Variants in B4GALNT2 observed in about 807,000 individuals in gnomAD.
B4GALNT2 encodes the protein N-acetylneuraminylgalactosylglucosyl-glucoside beta-1,4-N- acetylgalactosaminyltransferase 2.
In B4GALNT2, 42 loss-of-function variants were observed where a neutral mutation model predicts 51.1. The ratio of observed to expected loss-of-function variants is 0.82; its 90% CI spans 0.64 to 1.06. B4GALNT2 has a LOEUF of 1.06. Among genes scored for constraint, B4GALNT2 ranks in the 50% least tolerant of loss-of-function variants. The pLI, the probability that B4GALNT2 is intolerant of heterozygous loss-of-function variation, is 0.00. For missense variants in B4GALNT2, 602 were observed against 633.6 expected (o/e 0.95, Z 0.54); for synonymous variants, 253 against 251.7 (o/e 1.01, Z -0.05).
intron 8 of B4GALNT2, 40 bp downstream of exon 8, chr17:49,164,315 A>G: frequency 1.9e-6 from 3 of 1,562,440 alleles, no homozygotes; most frequent in Non-Finnish European, 2.6e-6. Context: ...GCATTCCAGG[A>G]CAAGAGGGCC....
chr17:49,153,963 C>T (rs1181656241), intron 4 of B4GALNT2, among the ~76,000 whole-genome samples: 1 of 152,020 alleles, frequency 6.6e-6, no homozygotes, highest in Admixed American at 6.6e-5. Context: ...TCAATGTCCT[C>T]CATCATCATG....
intron 3 of B4GALNT2, among the ~76,000 whole-genome samples, chr17:49,151,115 C>T (rs1273242723): frequency 1 from 52,700 of 52,776 alleles, 26,313 homozygotes; most frequent in Middle Eastern, 1. Flanking sequence ...TGGCTCACGC[C>T]TGTAATCCCA....
At chr17:49,138,705 C>G (rs1471191144) in intron 1 of B4GALNT2, among the ~76,000 whole-genome samples, 1 of 152,004 alleles carries the variant, frequency 6.6e-6, no homozygotes, top group African/African-American at 2.4e-5. Context: ...GGTGAAACCC[C>G]GTCTCCACTA....
intron 3 of B4GALNT2, 125 bp from the exon 4 acceptor site, chr17:49,152,675 G>A: frequency 1.5e-6 from 1 of 653,970 alleles, no homozygotes; most frequent in Non-Finnish European, 2.5e-6. Context: ...GAGGGAGACA[G>A]GGACAACCCA....
upstream of B4GALNT2, among the ~76,000 whole-genome samples, chr17:49,131,019 A>T (rs1397532231): frequency 6.6e-6 from 1 of 152,172 alleles, no homozygotes; most frequent in East Asian, 1.9e-4. Flanking sequence ...GGCTTTAGAG[A>T]CACAACTCCT....
intron 3 of B4GALNT2, among the ~76,000 whole-genome samples, chr17:49,144,001 A>G (rs1238935439): frequency 6.6e-6 from 1 of 152,148 alleles, no homozygotes; most frequent in East Asian, 1.9e-4. Flanking sequence ...TATAAAAATT[A>G]GCCAGGCTGT....
chr17:49,175,269 G>T lies in B4GALNT2; in HGVS notation c.*5541G>T, dbSNP rs948455366. Reference sequence around the variant, plus strand: ...AGTAATTTGATTCACCCAATAAGCTGCTTTGTCTTGTTTATTTGTGCTTCC... The same window carrying T: ...AGTAATTTGATTCACCCAATAAGCTTCTTTGTCTTGTTTATTTGTGCTTCC... On this transcript the variant is annotated 3_prime_UTR_variant, in exon 11 of 11. Coordinates refer to ENST00000393354, the MANE Select transcript of B4GALNT2 (RefSeq NM_001159387.2). 9 of 152,058 alleles carry T rather than the reference G, an allele frequency of 5.9e-5. No individual in the cohort carries two copies. Among genetic ancestry groups the T allele is most frequent in the African/African-American group, 2.2e-4 (9 of 41,398 alleles). 9.4% of individuals were successfully genotyped at this position (152,058 alleles called of 1,614,324 possible).
chr17:49,148,927 G>A (rs185591799), intron 3 of B4GALNT2, among the ~76,000 whole-genome samples: 75 of 152,184 alleles, frequency 4.9e-4, no homozygotes, highest in Non-Finnish European at 2.1e-4. Flanking sequence ...GTGGTGGCAT[G>A]TGCCTGTAGT....
At position 49,174,659 on chromosome 17, in the gene B4GALNT2, T is replaced by A. The variant is rs899058114; in HGVS notation, c.*4931T>A. 1 of 151,664 alleles carries A rather than the reference T, an allele frequency of 6.6e-6. No individual in the cohort carries two copies. Among genetic ancestry groups the A allele is most frequent in the African/African-American group, 2.4e-5 (1 of 40,930 alleles). 9.4% of individuals were successfully genotyped at this position (151,664 alleles called of 1,614,324 possible). Reference sequence around the variant, plus strand: ...AAATGTTGGAGCTATGTGTCCTTTTTCTAATTGTTCAGTAACTAAGTCCTC... The same window carrying A: ...AAATGTTGGAGCTATGTGTCCTTTTACTAATTGTTCAGTAACTAAGTCCTC... On this transcript the variant is annotated 3_prime_UTR_variant, in exon 11 of 11. Transcript: ENST00000393354.
intron 3 of B4GALNT2, chr17:49,149,222 G>T (rs540459540): frequency 1.3e-5 from 2 of 152,142 alleles, no homozygotes; most frequent in Non-Finnish European, 2.9e-5. Context: ...CTATGAATAT[G>T]AATATGCTGC....
upstream of B4GALNT2, among the ~76,000 whole-genome samples, chr17:49,127,996 G>C (rs1215051363): frequency 6.6e-6 from 1 of 152,150 alleles, no homozygotes; most frequent in African/African-American, 2.4e-5. Context: ...AAACATAAAG[G>C]CCTTTTGAAT....
At chr17:49,150,774 C>T (rs1168957023) in intron 3 of B4GALNT2, among the ~76,000 whole-genome samples, 2 of 149,884 alleles carry the variant, frequency 1.3e-5, no homozygotes, top group Non-Finnish European at 3.0e-5. Context: ...TACCCAGGGA[C>T]ACAAACACTG....
intron 1 of B4GALNT2, among the ~76,000 whole-genome samples, chr17:49,133,981 T>C (rs1352497781): frequency 6.6e-6 from 1 of 151,968 alleles, no homozygotes; most frequent in Non-Finnish European, 1.5e-5. Context: ...GAATAGAGGA[T>C]TGGCGGAATG....
At chr17:49,124,590 C>T in the B4GALNT2 span, among the ~76,000 whole-genome samples, 1 of 152,128 alleles carries the variant, frequency 6.6e-6, no homozygotes, top group Non-Finnish European at 1.5e-5. Context: ...CATATTTATA[C>T]AAATATAGTC....
intron 6 of B4GALNT2, among the ~76,000 whole-genome samples, chr17:49,159,429 C>T (rs1024273419): frequency 1.3e-5 from 2 of 152,222 alleles, no homozygotes; most frequent in Non-Finnish European, 2.9e-5. Flanking sequence ...GCAACCTCCG[C>T]CTCCCAGGTT....
At position 49,162,137 on chromosome 17, in the gene B4GALNT2, G is replaced by A. The variant is rs762904554; in HGVS notation, c.766+1496G>A. ...CAAGTAGCTGGGACTACAGGCGCCCGCCACCATGCCCGGCTAATCAAATTA... is the reference window on the plus strand; with the variant it reads ...CAAGTAGCTGGGACTACAGGCGCCCACCACCATGCCCGGCTAATCAAATTA... On this transcript the variant is annotated intron_variant, in intron 7 of 10. Coordinates refer to ENST00000393354, the MANE Select transcript of B4GALNT2 (RefSeq NM_001159387.2). 5.3e-5 allele frequency among the ~76,000 whole-genome samples: 8 copies of A among 151,402 alleles called. No homozygotes were observed. In the South Asian group the frequency reaches 6.3e-4, roughly 12 times the overall value.
chr17:49,169,014 G>A (rs2042937181), intron 10 of B4GALNT2, 114 bp downstream of exon 10: 3 of 1,065,996 alleles, frequency 2.8e-6, no homozygotes, highest in African/African-American at 1.6e-5. Flanking sequence ...CCCAGTAGCA[G>A]TACATCCCTT....
At chr17:49,158,954 C>G in intron 5 of B4GALNT2, 83 bp from the exon 6 acceptor site, 1 of 1,482,762 alleles carries the variant, frequency 6.7e-7, no homozygotes, top group Non-Finnish European at 9.3e-7. Context: ...TGCCCTGGCT[C>G]CTGGCCTGGG....
chr17:49,133,144 C>A (rs7207403), intron 1 of B4GALNT2: 822,903 of 1,523,362 alleles, frequency 0.54, 227,073 homozygotes, highest in Middle Eastern at 0.56. Context: ...GGCTTCGGGG[C>A]TCTCTGCTTG....
Sources: gnomAD v4.1 joint callset for allele counts (sites outside exome capture counted in the v4.1 genomes callset) on GRCh38, gnomAD v4.1.1 for gene constraint, MANE v1.5 for transcripts, NCBI Gene and HGNC (gene_info 2026-07-23, HGNC 2026-07-21) for gene names.